The following MCF2 variants were observed in gnomAD, a reference collection of about 807,000 sequenced individuals.
MCF2 encodes MCF.2 cell line derived transforming sequence, also known as proto-oncogene DBL.
A neutral mutation model predicts 82.5 loss-of-function variants in MCF2; 44 were observed. The ratio of observed to expected loss-of-function variants is 0.53; its 90% CI spans 0.42 to 0.69. The LOEUF (loss-of-function observed/expected upper bound fraction) is 0.69. MCF2 is among the 30% of genes least tolerant of loss of function. The pLI is 0.00. For missense variants in MCF2, 623 were observed against 663.1 expected, an observed-to-expected ratio of 0.94 and a Z score of 0.66; for synonymous variants, 217 against 224.9, an observed-to-expected ratio of 0.96 and a Z score of 0.32.
chrX:139,684,312 AT>A (rs1357650128), intron 1 of MCF2, among the ~76,000 whole-genome samples: 3 of 112,533 alleles, frequency 2.7e-5, no homozygotes, highest in Non-Finnish European at 3.8e-5. Context: ...TGGCTGGGAA[AT>A]AAAGAGAGAT....
In MCF2 at chrX:139,617,598, T is replaced by TA; in HGVS notation, c.913dup (p.Tyr305LeufsTer4). On this transcript the variant is annotated frameshift_variant, in exon 8 of 25. Transcript: ENST00000370576. LOFTEE classifies it high-confidence loss of function. ...CTCATTAACCAAAATATCAGAAAGG[T>TA]AACGTAGCTCATTGCACCTCTGGCA... The TA allele has an allele frequency of 8.3e-7, 1 of 1,203,008 alleles. No individual in the cohort carries two copies. The highest frequency in any genetic ancestry group is 1.1e-6 in the Non-Finnish European group (1 of 890,061).
At chrX:139,632,246 G>T in intron 2 of MCF2, 89 bp downstream of exon 5, 2 of 712,106 alleles carry the variant, frequency 2.8e-6, no homozygotes, top group Non-Finnish European at 3.9e-6. Context: ...TCTTTTAAAT[G>T]ACACATGGGC....
At chrX:139,616,356 C>T (rs1259340519) in exon 9 of MCF2, 2 of 1,180,755 alleles carry the variant, frequency 1.7e-6, no homozygotes, top group Non-Finnish European at 2.3e-6. Flanking sequence ...AAGGGTAGAG[C>T]CATTTCAAGA....
rs1430788778 is a variant in MCF2, at chrX:139,668,861, T to C, written c.-44-17073A>G. On this transcript the variant is annotated intron_variant, in intron 1 of 27. Transcript: ENST00000414978. ...GATGAAATAACAGGATATCTACATA[T>C]GTCATATATATATGTATATATATAA... Among the ~76,000 whole-genome samples the C allele has an allele frequency of 2.7e-5, 3 of 110,884 alleles. No homozygotes were observed. The Admixed American group carries it at 2.9e-4, about 11-fold the overall frequency.
At chrX:139,667,313 G>A (rs1311711336) in intron 1 of MCF2, among the ~76,000 whole-genome samples, 4 of 107,218 alleles carry the variant, frequency 3.7e-5, no homozygotes, top group African/African-American at 1.4e-4. Flanking sequence ...TCACTATGTT[G>A]CTCAGGTTAG....
At chrX:139,704,388 T>C (rs1162933322) in intron 1 of MCF2, among the ~76,000 whole-genome samples, 1 of 112,458 alleles carries the variant, frequency 8.9e-6, no homozygotes, top group Non-Finnish European at 1.9e-5. Flanking sequence ...CCTTGTGAAC[T>C]TGCATATGAT....
chrX:139,607,787 A>G lies in MCF2; in HGVS notation c.1402-8T>C, dbSNP rs376032166. On this transcript the variant is annotated splice_polypyrimidine_tract_variant and splice_region_variant and intron_variant, in intron 11 of 24. Transcript: ENST00000370576. ...ATCAGGCACCACTTCAATCTGAAATACAGAAAATAAAAGTTAAATTAGCAC... is the reference window on the plus strand; with the variant it reads ...ATCAGGCACCACTTCAATCTGAAATGCAGAAAATAAAAGTTAAATTAGCAC... The G allele has an allele frequency of 8.6e-7, 1 of 1,159,514 alleles. No individual in the cohort carries two copies. The highest frequency in any genetic ancestry group is 1.8e-5 in the African/African-American group (1 of 56,305).
intron 1 of MCF2, among the ~76,000 whole-genome samples, chrX:139,671,408 T>G: frequency 8.9e-6 from 1 of 111,798 alleles, no homozygotes; most frequent in African/African-American, 3.3e-5. Context: ...TCCTGAATGG[T>G]ATTGCCTAGG....
At chrX:139,583,711 C>A (rs1928671365) in intron 24 of MCF2, among the ~76,000 whole-genome samples, 2 of 111,570 alleles carry the variant, frequency 1.8e-5, no homozygotes, top group Non-Finnish European at 3.8e-5. Context: ...ACGCAGTATT[C>A]CCATGTAACA....
rs185832613 is a variant in MCF2, at chrX:139,628,725, G to A, written c.438+970C>T. Among the ~76,000 whole-genome samples, 269 of 112,088 alleles carry A rather than the reference G, an allele frequency of 2.4e-3. 1 individual carries two copies. Among genetic ancestry groups the A allele is most frequent in the Non-Finnish European group, 4.4e-3 (232 of 53,161 alleles). On this transcript the variant is annotated intron_variant, in intron 4 of 24. Coordinates refer to ENST00000370576, the Ensembl canonical transcript of MCF2. ...ACACAGTATGTCTATTATCAGATGA[G>A]AGAGACAAGTTATATGAATGCCCAG... is the stretch of plus-strand genomic sequence containing the variant.
At chrX:139,613,235 T>A (rs1931630405) in intron 10 of MCF2, 1 of 1,149,727 alleles carries the variant, frequency 8.7e-7, no homozygotes, top group Non-Finnish European at 1.2e-6. Flanking sequence ...AAAGTTTACA[T>A]GCTTGAAAGA....
At chrX:139,617,919 C>T (rs1932052774) in intron 7 of MCF2, among the ~76,000 whole-genome samples, 1 of 110,147 alleles carries the variant, frequency 9.1e-6, no homozygotes, top group Non-Finnish European at 1.9e-5. Flanking sequence ...TAATTAGCTG[C>T]AGCAGTGATG....
chrX:139,596,588 A>C, exon 19 of MCF2: 1 of 1,210,616 alleles, frequency 8.3e-7, no homozygotes, highest in Non-Finnish European at 1.1e-6. Context: ...GGTATCTGTC[A>C]GAGCCTTCTC....
At chrX:139,586,272 A>C (rs2076499) in intron 23 of MCF2, 106 bp downstream of exon 27, 13,879 of 561,595 alleles carry the variant, frequency 0.025, 290 homozygotes, top group East Asian at 0.12. Flanking sequence ...GGTTAACTGT[A>C]TTTTGTTTAT....
intron 1 of MCF2, among the ~76,000 whole-genome samples, chrX:139,696,236 A>G (rs191148621): frequency 5.2e-4 from 57 of 110,254 alleles, no homozygotes; most frequent in African/African-American, 1.8e-3. Context: ...GACACAGGGA[A>G]TTTGAGTAAG....
intron 1 of MCF2, among the ~76,000 whole-genome samples, chrX:139,703,045 G>A (rs1442156987): frequency 8.9e-6 from 1 of 112,091 alleles, no homozygotes; most frequent in Admixed American, 9.4e-5. Context: ...GTCCCAAATG[G>A]GGACCACTGC....
At chrX:139,644,214 C>T (rs952645893), upstream of MCF2, among the ~76,000 whole-genome samples, 12 of 112,152 alleles carry the variant, frequency 1.1e-4, no homozygotes, top group African/African-American at 3.9e-4. Context: ...GAAACCATCA[C>T]CAACTGGAAT....
At chrX:139,636,204 C>A (rs1933209744) in intron 1 of MCF2, among the ~76,000 whole-genome samples, 1 of 110,570 alleles carries the variant, frequency 9.0e-6, no homozygotes, top group African/African-American at 3.3e-5. Context: ...GAACTTTTGG[C>A]CTATTTTTAA....
At chrX:139,654,754 T>C (rs1342202741) in intron 1 of MCF2, among the ~76,000 whole-genome samples, 1 of 111,806 alleles carries the variant, frequency 8.9e-6, no homozygotes, top group Non-Finnish European at 1.9e-5. Context: ...AACATTTTCA[T>C]CTAGTAGTTT....
Sources: allele counts gnomAD v4.1 joint callset (sites outside exome capture counted in the v4.1 genomes callset), GRCh38; gene constraint gnomAD v4.1.1; transcripts MANE v1.5; gene names NCBI Gene and HGNC (gene_info 2026-07-23, HGNC 2026-07-21).